WDR25: variants seen among roughly 807,000 people sequenced by gnomAD.
WDR25 encodes WD repeat-containing protein 25.
Under a neutral mutation model 47.7 loss-of-function variants are expected in WDR25, and 35 were observed. The observed-to-expected ratio is 0.73, with a 90% confidence interval of 0.56 to 0.97. The LOEUF is 0.97. Ranked by LOEUF, WDR25 falls within the 50% of genes least tolerant of loss-of-function variation. The pLI, the probability that WDR25 is intolerant of heterozygous loss-of-function variation, is 0.00. For missense variants in WDR25, 634 were observed against 704.7 expected (o/e 0.90, Z 1.14); for synonymous variants, 248 against 278.9 (o/e 0.89, Z 1.10).
chr14:100,446,850 G>A (rs933557023), intron 2 of WDR25, among the ~76,000 whole-genome samples: 2 of 152,156 alleles, frequency 1.3e-5, no homozygotes, highest in Non-Finnish European at 2.9e-5. Flanking sequence ...GCTGCTGTCA[G>A]CACCGCATGG....
intron 4 of WDR25, among the ~76,000 whole-genome samples, chr14:100,510,624 T>A: frequency 6.6e-6 from 1 of 151,406 alleles, no homozygotes. Flanking sequence ...TAATCCCAGC[T>A]ACTCGGGAGG....
At chr14:100,482,153 ATC>A (rs899104156) in intron 3 of WDR25, among the ~76,000 whole-genome samples, 1 of 152,068 alleles carries the variant, frequency 6.6e-6, no homozygotes, top group Non-Finnish European at 1.5e-5. Flanking sequence ...AGGTCCGGGC[ATC>A]TCTGCGTGCA....
intron 2 of WDR25, among the ~76,000 whole-genome samples, chr14:100,448,324 C>T (rs1357270898): frequency 6.6e-6 from 1 of 152,034 alleles, no homozygotes; most frequent in East Asian, 1.9e-4. Context: ...ACTGTGGAAA[C>T]TGCCAGCAGG....
At chr14:100,477,085 T>C (rs1466695702) in intron 3 of WDR25, among the ~76,000 whole-genome samples, 1 of 152,166 alleles carries the variant, frequency 6.6e-6, no homozygotes, top group East Asian at 1.9e-4. Context: ...CAGGTGGTGC[T>C]GCCCCGGCCA....
At chr14:100,418,193 C>T (rs989166915) in intron 2 of WDR25, among the ~76,000 whole-genome samples, 1 of 151,514 alleles carries the variant, frequency 6.6e-6, no homozygotes, top group Non-Finnish European at 1.5e-5. Flanking sequence ...ACACCCCCCA[C>T]TCAGCCTCCC....
At chr14:100,473,291 C>T (rs1179110563) in intron 3 of WDR25, among the ~76,000 whole-genome samples, 1 of 152,164 alleles carries the variant, frequency 6.6e-6, no homozygotes, top group Non-Finnish European at 1.5e-5. Context: ...AATCCCATTT[C>T]ATGGACCCAG....
rs555674173 is a variant in WDR25 at position 100,433,602 on chromosome 14, C to T, written c.823-34419C>T. Among the ~76,000 whole-genome samples, 151 of 152,310 alleles carry T rather than the reference C, an allele frequency of 9.9e-4. 2 individuals are homozygous for T. The highest frequency in any genetic ancestry group is 1.9e-3 in the Non-Finnish European group (126 of 68,024). ...ATCCATGATTCTTACCTGAGTCAGT[C>T]CCTATGATCACGCTTGTCACGTGGG... On this transcript the variant is annotated intron_variant, in intron 2 of 6. Transcript: ENST00000402312.
chr14:100,466,415 C>T (rs541309434), intron 2 of WDR25, among the ~76,000 whole-genome samples: 1 of 152,234 alleles, frequency 6.6e-6, no homozygotes, highest in Non-Finnish European at 1.5e-5. Context: ...GAAGGTTATC[C>T]CTGGGATCAG....
In WDR25 at chr14:100,392,259, T is replaced by A. The variant is rs1026605055; in HGVS notation, c.822+10513T>A. 6.6e-6 allele frequency among the ~76,000 whole-genome samples: 1 copy of A among 152,104 alleles called. No individual in the cohort carries two copies. Among genetic ancestry groups the A allele is most frequent in the Non-Finnish European group, 1.5e-5 (1 of 68,024 alleles). ...ATTGAGGACCACAGTTTTCTTTACATCTGTAATTACATTTTGGGGAATCTC... is the reference window on the plus strand; with the variant it reads ...ATTGAGGACCACAGTTTTCTTTACAACTGTAATTACATTTTGGGGAATCTC... On this transcript the variant is annotated intron_variant, in intron 2 of 6. Transcript: ENST00000402312. The surrounding 1 kb of genome is among the most constrained non-coding windows in gnomAD (Gnocchi z 4.2).
chr14:100,458,338 G>C lies in WDR25; in HGVS notation c.823-9683G>C, dbSNP rs73349444. On this transcript the variant is annotated intron_variant, in intron 2 of 6. Coordinates refer to ENST00000402312, the MANE Select transcript of WDR25 (RefSeq NM_001161476.3). ...CATCAAAGGACATAACATTAGGTGT[G>C]TAATGTCAGCTGCTTAAACATTAGG... Among the ~76,000 whole-genome samples, 753 of 152,310 alleles carry C rather than the reference G, an allele frequency of 4.9e-3. 10 individuals carry two copies. Among genetic ancestry groups the C allele is most frequent in the African/African-American group, 0.017 (708 of 41,576 alleles).
At chr14:100,435,378 C>T (rs1371881273) in intron 2 of WDR25, among the ~76,000 whole-genome samples, 2 of 152,236 alleles carry the variant, frequency 1.3e-5, no homozygotes, top group Non-Finnish European at 2.9e-5. Flanking sequence ...CTTATAATTG[C>T]TTTCCTTATC....
In WDR25 at chr14:100,530,171, C is replaced by T. The variant is rs900088270; in HGVS notation, c.*130C>T. 1.1e-6 allele frequency: 1 copy of T among 917,716 alleles called. No individual in the cohort carries two copies. Among genetic ancestry groups the T allele is most frequent in the Non-Finnish European group, 1.6e-6 (1 of 618,458 alleles). 56.8% of individuals were successfully genotyped at this position (917,716 alleles called of 1,614,324 possible). On this transcript the variant is annotated 3_prime_UTR_variant, in exon 7 of 7. Coordinates refer to ENST00000402312, the MANE Select transcript of WDR25 (RefSeq NM_001161476.3). ...GGTACCACCTTCTGAGCCTCAGTTT[C>T]CTCATCTGTAAAGTGGGGAGAAAAG...
At chr14:100,450,001 C>T (rs1386304981) in intron 2 of WDR25, among the ~76,000 whole-genome samples, 2 of 152,250 alleles carry the variant, frequency 1.3e-5, no homozygotes, top group Non-Finnish European at 2.9e-5. Context: ...TCCGGCGGCC[C>T]AGGCCTGCTC....
At chr14:100,492,347 C>G (rs945252642) in intron 4 of WDR25, among the ~76,000 whole-genome samples, 1 of 152,214 alleles carries the variant, frequency 6.6e-6, no homozygotes, top group Non-Finnish European at 1.5e-5. Flanking sequence ...CAGCCTCCCT[C>G]TGCACCACTT....
At chr14:100,394,584 G>T (rs928525127) in intron 2 of WDR25, among the ~76,000 whole-genome samples, 1 of 152,188 alleles carries the variant, frequency 6.6e-6, no homozygotes, top group Non-Finnish European at 1.5e-5. Context: ...CACTCTTGCT[G>T]GTAAAAGGTG....
intron 2 of WDR25, among the ~76,000 whole-genome samples, chr14:100,435,388 C>T (rs2140238118): frequency 6.6e-6 from 1 of 152,336 alleles, no homozygotes; most frequent in Middle Eastern, 3.4e-3. Flanking sequence ...CTTTCCTTAT[C>T]ATTCTTTTAA....
At position 100,484,464 on chromosome 14, in the gene WDR25, GT is replaced by G. The variant is rs544132841; in HGVS notation, c.1101+341del. On this transcript the variant is annotated intron_variant, in intron 4 of 6. Coordinates refer to ENST00000402312, the MANE Select transcript of WDR25 (RefSeq NM_001161476.3). ...CAGATGACTTTGGTACAGAGAATTGGTGTGTGTGTGTGTGTGTGTGCGTGTG... is the reference window on the plus strand; with the variant it reads ...CAGATGACTTTGGTACAGAGAATTGGGTGTGTGTGTGTGTGTGTGCGTGTG... Among the ~76,000 whole-genome samples, 318 of 15,718 alleles carry G rather than the reference GT, an allele frequency of 0.02. 4 individuals carry two copies. In the African/African-American group the frequency reaches 0.35, roughly 17 times the overall value. The allele number at this position is 15,718 out of a possible 152,430, so 10.3% of individuals were successfully genotyped here.
chr14:100,378,141 A>G (rs190654221), intron 1 of WDR25, among the ~76,000 whole-genome samples: 2 of 151,488 alleles, frequency 1.3e-5, no homozygotes, highest in African/African-American at 4.8e-5. Flanking sequence ...ATAACCATGT[A>G]TTGTGTATGA....
Position 100,499,052 on chromosome 14 carries a change from GGTT to G in WDR25, c.1101+14932_1101+14934del, listed in dbSNP as rs1274192171. 2.6e-5 allele frequency among the ~76,000 whole-genome samples: 4 copies of G among 152,138 alleles called. No homozygotes were observed. Among genetic ancestry groups the G allele is most frequent in the Non-Finnish European group, 5.9e-5 (4 of 68,038 alleles). On this transcript the variant is annotated intron_variant, in intron 4 of 6. Coordinates refer to ENST00000402312, the MANE Select transcript of WDR25 (RefSeq NM_001161476.3). This position sits in a 1 kb window ranked among gnomAD's most constrained non-coding sequence, Gnocchi z 4.4. ...ATGACTTCAGAATGGAGGGTGAGGT[GGTT>G]GTTCTCTAGATGTTCGTTTTGATTA...
Sources: allele counts gnomAD v4.1 joint callset (sites outside exome capture counted in the v4.1 genomes callset), GRCh38; gene constraint gnomAD v4.1.1; non-coding constraint Gnocchi (gnomAD v3.1); transcripts MANE v1.5; gene names NCBI Gene and HGNC (gene_info 2026-07-23, HGNC 2026-07-21).